The following TMEM114 variants were observed in gnomAD, a reference collection of about 807,000 sequenced individuals.
The protein encoded by TMEM114 is transmembrane protein 114.
A neutral mutation model predicts 6.2 loss-of-function variants in TMEM114; 6 were observed. The ratio of observed to expected loss-of-function variants is 0.97; its 90% confidence interval spans 0.53 to 1.91. The LOEUF (loss-of-function observed/expected upper bound fraction) is 1.91. Ranked by LOEUF, TMEM114 falls within the 40% of genes most tolerant of loss-of-function variation. TMEM114 has a pLI of 0.01. For synonymous variants in TMEM114, 104 were observed against 73.0 expected (o/e 1.42, Z -2.16); for missense variants, 218 against 158.3 (o/e 1.38, Z -2.02).
intron 2 of TMEM114, among the ~76,000 whole-genome samples, chr16:8,540,160 C>A (rs149380865): frequency 4.7e-4 from 72 of 152,280 alleles, no homozygotes; most frequent in Non-Finnish European, 9.3e-4. Context: ...TGTATTTATT[C>A]ATTCAAACAT....
In TMEM114 at chr16:8,590,245, G is replaced by C. The variant is rs1384872255; in HGVS notation, c.-407C>G. Reference sequence around the variant, plus strand: ...CGGCCCTCCACGCCCAGCCCAAGCGGACTCTCTCACTTCAAAATCCTCACT... The same window carrying C: ...CGGCCCTCCACGCCCAGCCCAAGCGCACTCTCTCACTTCAAAATCCTCACT... On this transcript the variant is annotated 5_prime_UTR_variant, in exon 1 of 4. Transcript: ENST00000620492. 14 of 183,334 alleles carry C rather than the reference G, an allele frequency of 7.6e-5. No individual in the cohort carries two copies. In the Admixed American group the frequency reaches 8.7e-4, roughly 11 times the overall value. 11.4% of individuals were successfully genotyped at this position (183,334 alleles called of 1,614,324 possible).
At chr16:8,540,051 C>T (rs977408888) in intron 2 of TMEM114, among the ~76,000 whole-genome samples, 1 of 152,082 alleles carries the variant, frequency 6.6e-6, no homozygotes, top group Non-Finnish European at 1.5e-5. Context: ...CTCTCGACCT[C>T]AGCCTAAGGT....
At chr16:8,574,773 G>A (rs1302350691) in intron 2 of TMEM114, among the ~76,000 whole-genome samples, 2 of 152,108 alleles carry the variant, frequency 1.3e-5, no homozygotes, top group Non-Finnish European at 2.9e-5. Flanking sequence ...AGCCATGGCA[G>A]CCCCATGTGA....
chr16:8,555,086 C>A (rs1273755531), intron 2 of TMEM114, among the ~76,000 whole-genome samples: 1 of 152,198 alleles, frequency 6.6e-6, no homozygotes, highest in Non-Finnish European at 1.5e-5. Flanking sequence ...TTCACAGTAA[C>A]CTTTGTGGTT....
intron 2 of TMEM114, among the ~76,000 whole-genome samples, chr16:8,553,302 G>A (rs1472108421): frequency 2.0e-5 from 3 of 152,294 alleles, no homozygotes; most frequent in Admixed American, 6.5e-5. Flanking sequence ...ATCTGGCCAC[G>A]GGTGGTCCCT....
At chr16:8,568,571 GTGA>G (rs1368846379), downstream of TMEM114, among the ~76,000 whole-genome samples, 4 of 152,194 alleles carry the variant, frequency 2.6e-5, no homozygotes, top group African/African-American at 4.8e-5. Flanking sequence ...TGACGTCATG[GTGA>G]TGATGATGTC....
intron 2 of TMEM114, among the ~76,000 whole-genome samples, chr16:8,547,848 A>C (rs973641196): frequency 6.6e-6 from 1 of 152,096 alleles, no homozygotes; most frequent in African/African-American, 2.4e-5. Flanking sequence ...ACCAACAGGC[A>C]AGTTCACAGC....
At chr16:8,567,289 A>G (rs769141217), downstream of TMEM114, among the ~76,000 whole-genome samples, 2 of 152,052 alleles carry the variant, frequency 1.3e-5, no homozygotes, top group Non-Finnish European at 2.9e-5. Context: ...TGGGTTTATC[A>G]TCTGTTCCCA....
At chr16:8,566,935 C>G (rs1446876176), downstream of TMEM114, among the ~76,000 whole-genome samples, 1 of 132,174 alleles carries the variant, frequency 7.6e-6, no homozygotes, top group Non-Finnish European at 1.6e-5. Flanking sequence ...GAGTCTCACT[C>G]TGTCACCCAG....
At chr16:8,532,435 A>T in the TMEM114 span, among the ~76,000 whole-genome samples, 1 of 152,074 alleles carries the variant, frequency 6.6e-6, no homozygotes, top group African/African-American at 2.4e-5. Context: ...TAGTATTATG[A>T]TCGAAATTGG....
intron 2 of TMEM114, among the ~76,000 whole-genome samples, chr16:8,553,534 G>A (rs372081752): frequency 2.6e-5 from 4 of 152,042 alleles, no homozygotes; most frequent in African/African-American, 9.6e-5. Flanking sequence ...CACCCAGGCT[G>A]GAGTGCAGTG....
At chr16:8,563,063 A>AAATTG (rs1555463660) in intron 2 of TMEM114, among the ~76,000 whole-genome samples, 19 of 102,156 alleles carry the variant, frequency 1.9e-4, no homozygotes, top group African/African-American at 5.4e-4. Context: ...GTGAATGAGT[A>AAATTG]AGTGAATGAG....
chr16:8,587,608 G>A lies in TMEM114; in HGVS notation c.301+1605C>T, dbSNP rs940669289. On this transcript the variant is annotated intron_variant, in intron 2 of 3. Transcript: ENST00000620492. Reference sequence around the variant, plus strand: ...ACAGCTGGAAAGAAAGGAGTAAAGCGGAGAATGGGGCTGGAGAGGGACCCT... The same window carrying A: ...ACAGCTGGAAAGAAAGGAGTAAAGCAGAGAATGGGGCTGGAGAGGGACCCT... Among the ~76,000 whole-genome samples, 13 of 152,338 alleles carry A rather than the reference G, an allele frequency of 8.5e-5. No homozygotes were observed. The South Asian group carries it at 1.0e-3, about 12-fold the overall frequency.
At chr16:8,547,462 A>T (rs1323631494) in intron 2 of TMEM114, among the ~76,000 whole-genome samples, 1 of 147,650 alleles carries the variant, frequency 6.8e-6, no homozygotes, top group Non-Finnish European at 1.5e-5. Flanking sequence ...GTGCAATTTC[A>T]GCTCACTACA....
chr16:8,560,960 C>G (rs1030153759), intron 2 of TMEM114, among the ~76,000 whole-genome samples: 5 of 152,196 alleles, frequency 3.3e-5, no homozygotes, highest in Admixed American at 2.6e-4. Flanking sequence ...AAAGACACGT[C>G]TTATATCACA....
intron 2 of TMEM114, among the ~76,000 whole-genome samples, chr16:8,545,977 T>C (rs1900653566): frequency 6.6e-6 from 1 of 151,898 alleles, no homozygotes; most frequent in Non-Finnish European, 1.5e-5. Context: ...TAGCTGAGTG[T>C]GGTGGTGTGT....
At chr16:8,542,883 T>C (rs935110261) in intron 2 of TMEM114, among the ~76,000 whole-genome samples, 1 of 152,150 alleles carries the variant, frequency 6.6e-6, no homozygotes, top group East Asian at 1.9e-4. Context: ...CAGATTGAAA[T>C]GCCAGAATGT....
intron 2 of TMEM114, among the ~76,000 whole-genome samples, chr16:8,582,483 A>G (rs1473884778): frequency 6.6e-6 from 1 of 152,178 alleles, no homozygotes; most frequent in Non-Finnish European, 1.5e-5. Flanking sequence ...AGGACTCTGA[A>G]CCCCAGAAAC....
At chr16:8,535,814 G>A (rs1900340086), downstream of TMEM114, among the ~76,000 whole-genome samples, 1 of 152,168 alleles carries the variant, frequency 6.6e-6, no homozygotes, top group Admixed American at 6.5e-5. Context: ...TGGGGTGTGT[G>A]GAACACAAAG....
Sources: allele counts gnomAD v4.1 joint callset (sites outside exome capture counted in the v4.1 genomes callset), GRCh38; gene constraint gnomAD v4.1.1; transcripts MANE v1.5; gene names NCBI Gene and HGNC (gene_info 2026-07-23, HGNC 2026-07-21).